Variants in PSEN1 observed in about 807,000 individuals in gnomAD.
The protein encoded by PSEN1 is presenilin-1.
In PSEN1, 15 loss-of-function variants were observed where a neutral mutation model predicts 53.5. The observed-to-expected ratio is 0.28, with a 90% CI of 0.19 to 0.43. The LOEUF (loss-of-function observed/expected upper bound fraction) is 0.43. Ranked by LOEUF, PSEN1 falls within the 20% of genes least tolerant of loss-of-function variation. The pLI, the probability that PSEN1 is intolerant of heterozygous loss-of-function variation, is 1.00. For missense variants in PSEN1, 387 were observed against 571.2 expected (o/e 0.68, Z 3.29); for synonymous variants, 208 against 209.8 (o/e 0.99, Z 0.08).
chr14:73,184,679 TG>T (rs1175955405), intron 5 of PSEN1, among the ~76,000 whole-genome samples: 1 of 147,844 alleles, frequency 6.8e-6, no homozygotes, highest in East Asian at 2.1e-4. Flanking sequence ...ACGGAGCGGC[TG>T]GCGGGGCGGG....
chr14:73,139,511 T>TGG (rs1262025274), intron 1 of PSEN1: 2 of 146,616 alleles, frequency 1.4e-5, no homozygotes, highest in Non-Finnish European at 3.0e-5. Flanking sequence ...ACCCAGAAGG[T>TGG]GGAGGTTGCA....
In PSEN1 at chr14:73,148,358, G is replaced by A. The variant is rs34623110; in HGVS notation, c.87+252G>A. ...TCTCCAGCTTCCCAAGGTGTGCAGCGCCTCATAGTTCATGTTGTTTATTAT... is the reference window on the plus strand; with the variant it reads ...TCTCCAGCTTCCCAAGGTGTGCAGCACCTCATAGTTCATGTTGTTTATTAT... On this transcript the variant is annotated intron_variant, in intron 3 of 11. Coordinates refer to ENST00000324501, the MANE Select transcript of PSEN1 (RefSeq NM_000021.4). Among the ~76,000 whole-genome samples the A allele has an allele frequency of 0.039, 5,923 of 152,182 alleles. 317 individuals are homozygous for A. The highest frequency in any genetic ancestry group is 0.11 in the African/African-American group (4,766 of 41,496).
Position 73,219,077 on chromosome 14 carries a change from C to A in PSEN1, c.1249-57C>A, listed in dbSNP as rs1212224384. 1.9e-6 allele frequency: 3 copies of A among 1,574,714 alleles called. No individual in the cohort carries two copies. In the African/African-American group the frequency reaches 4.1e-5, roughly 21 times the overall value. On this transcript the variant is annotated intron_variant, in intron 11 of 11. Coordinates refer to ENST00000324501, the MANE Select transcript of PSEN1 (RefSeq NM_000021.4). Reference sequence around the variant, plus strand: ...AACCAAGACTTGTGATTGAGTTTTGCCTGAAAATGCTTTCATAATTATGTG... The same window carrying A: ...AACCAAGACTTGTGATTGAGTTTTGACTGAAAATGCTTTCATAATTATGTG...
rs201374878 is a variant in PSEN1 at position 73,211,908 on chromosome 14, C to T, written c.1095C>T (p.Ser365=). The T allele has an allele frequency of 3.6e-5, 58 of 1,613,804 alleles. No individual in the cohort carries two copies. The highest frequency in any genetic ancestry group is 4.9e-5 in the Non-Finnish European group (58 of 1,179,988). ...CACGAGCTGCTGTCCAGGAACTTTC[C>T]AGCAGTATCCTCGCTGGTGAAGACC... ...PESRAAVQEL[S]SSILAGEDPE... The change falls in exon 10 of 12, where the codon TCC becomes TCT. Residue 365 remains serine, a synonymous_variant. Coordinates refer to ENST00000324501, the MANE Select transcript of PSEN1 (RefSeq NM_000021.4).
chr14:73,174,336 C>A (rs759114801), intron 5 of PSEN1: 1 of 153,204 alleles, frequency 6.5e-6, no homozygotes, highest in Non-Finnish European at 1.5e-5. Context: ...CAGTTTCAAG[C>A]GATTCTCCTG....
intron 3 of PSEN1, among the ~76,000 whole-genome samples, chr14:73,163,614 A>G (rs1175374654): frequency 6.6e-6 from 1 of 152,234 alleles, no homozygotes; most frequent in African/African-American, 2.4e-5. Flanking sequence ...ACTTCAGAGA[A>G]TTAAAACCAG....
At chr14:73,152,759 T>G (rs995548728) in intron 3 of PSEN1, among the ~76,000 whole-genome samples, 3 of 150,932 alleles carry the variant, frequency 2.0e-5, no homozygotes, top group Non-Finnish European at 4.4e-5. Context: ...AAAAGAAATA[T>G]TCGCTGGGCA....
intron 5 of PSEN1, among the ~76,000 whole-genome samples, chr14:73,174,649 G>A (rs532545478): frequency 1.4e-4 from 21 of 152,200 alleles, no homozygotes; most frequent in African/African-American, 4.8e-4. Flanking sequence ...TATAAAATAC[G>A]GTATAACTAA....
At chr14:73,182,223 C>T (rs549609306) in intron 5 of PSEN1, among the ~76,000 whole-genome samples, 4 of 152,066 alleles carry the variant, frequency 2.6e-5, no homozygotes, top group East Asian at 1.9e-4. Context: ...AGACTGGGCA[C>T]GGTGACTCTC....
intron 5 of PSEN1, among the ~76,000 whole-genome samples, chr14:73,183,261 G>T (rs1898281043): frequency 1.3e-5 from 2 of 152,052 alleles, no homozygotes; most frequent in African/African-American, 4.8e-5. Flanking sequence ...GGGACTGCAG[G>T]TGTGTGCCAC....
chr14:73,213,846 G>A (rs568720978), intron 10 of PSEN1, among the ~76,000 whole-genome samples: 21 of 152,194 alleles, frequency 1.4e-4, no homozygotes, highest in Admixed American at 6.5e-4. Flanking sequence ...ACAATAACAG[G>A]TGTTGGTGAG....
At position 73,223,091 on chromosome 14, in the gene PSEN1, T is replaced by C. The variant is rs950306334; in HGVS notation, c.*3802T>C. On this transcript the variant is annotated 3_prime_UTR_variant, in exon 12 of 12. Transcript: ENST00000324501. ...TCTTCATAGTGCGTTGTGAAATGGCTGGCCAGAGTGTACCAACAAAGCTGT... is the reference window on the plus strand; with the variant it reads ...TCTTCATAGTGCGTTGTGAAATGGCCGGCCAGAGTGTACCAACAAAGCTGT... 1 of 152,258 alleles carries C rather than the reference T, an allele frequency of 6.6e-6. No homozygotes were observed. The highest frequency in any genetic ancestry group is 2.4e-5 in the African/African-American group (1 of 41,460). 9.4% of individuals were successfully genotyped at this position (152,258 alleles called of 1,614,324 possible).
chr14:73,212,504 C>G (rs115546755), intron 10 of PSEN1, among the ~76,000 whole-genome samples: 57 of 151,378 alleles, frequency 3.8e-4, no homozygotes, highest in African/African-American at 1.2e-3. Flanking sequence ...TTCCAGTAAG[C>G]CTTCATGGCC....
Position 73,148,119 on chromosome 14 carries a change from T to A in PSEN1, c.87+13T>A. On this transcript the variant is annotated intron_variant, in intron 3 of 11. Transcript: ENST00000324501. ...TGTACGTAGCCAGGTACAGTGTCAG[T>A]CTCTGAAACTGCCTTTGCCAGACTG... 1 of 1,596,330 alleles carries A rather than the reference T, an allele frequency of 6.3e-7. No individual in the cohort carries two copies. Among genetic ancestry groups the A allele is most frequent in the Non-Finnish European group, 8.6e-7 (1 of 1,164,584 alleles).
intron 5 of PSEN1, among the ~76,000 whole-genome samples, chr14:73,178,047 G>T (rs1383289270): frequency 6.6e-6 from 1 of 151,360 alleles, no homozygotes; most frequent in Non-Finnish European, 1.5e-5. Context: ...GCCTCCCAAA[G>T]TGCTGGGATT....
At chr14:73,156,909 G>A (rs1244414081) in intron 3 of PSEN1, among the ~76,000 whole-genome samples, 3 of 151,996 alleles carry the variant, frequency 2.0e-5, no homozygotes, top group African/African-American at 7.3e-5. Flanking sequence ...TGATCCGCCC[G>A]CCTGGGACTC....
At chr14:73,169,909 G>A (rs994824163) in intron 3 of PSEN1, among the ~76,000 whole-genome samples, 1 of 152,202 alleles carries the variant, frequency 6.6e-6, no homozygotes, top group African/African-American at 2.4e-5. Flanking sequence ...GCCTCCCAAA[G>A]TGCTGGGATT....
intron 8 of PSEN1, among the ~76,000 whole-genome samples, chr14:73,202,464 T>TATATATA (rs1899263554): frequency 5.2e-5 from 1 of 19,288 alleles, no homozygotes; most frequent in African/African-American, 1.7e-4. Flanking sequence ...ATATATATAT[T>TATATATA]TTTTTTTTTT....
chr14:73,163,445 T>C (rs1276639838), intron 3 of PSEN1, among the ~76,000 whole-genome samples: 1 of 152,178 alleles, frequency 6.6e-6, no homozygotes, highest in Non-Finnish European at 1.5e-5. Context: ...CAAACAATCT[T>C]ACAGGAGTCA....
Sources: allele counts gnomAD v4.1 joint callset (sites outside exome capture counted in the v4.1 genomes callset), GRCh38; gene constraint gnomAD v4.1.1; transcripts MANE v1.5; gene names NCBI Gene and HGNC (gene_info 2026-07-23, HGNC 2026-07-21).